The following PALM2AKAP2 variants were observed in gnomAD, a reference collection of about 807,000 sequenced individuals.
PALM2AKAP2 encodes PALM2 and AKAP2 fusion, also known as PALM2-AKAP2 fusion protein.
Under a neutral mutation model 71.5 loss-of-function variants are expected in PALM2AKAP2, and 37 were observed. The observed-to-expected ratio is 0.52, with a 90% confidence interval of 0.40 to 0.68. The LOEUF (loss-of-function observed/expected upper bound fraction) is 0.68. PALM2AKAP2 is among the 30% of genes least tolerant of loss of function. The pLI, the probability that PALM2AKAP2 is intolerant of heterozygous loss-of-function variation, is 0.00. For synonymous variants in PALM2AKAP2, 468 were observed against 478.8 expected, an observed-to-expected ratio of 0.98 and a Z score of 0.29; for missense variants, 1,224 against 1,191.8, an observed-to-expected ratio of 1.03 and a Z score of -0.40.
exon 4 of PALM2AKAP2, chr9:110,169,150 A>C (rs1836801611): frequency 1.3e-5 from 2 of 152,678 alleles, no homozygotes; most frequent in African/African-American, 4.8e-5. Context: ...AACACAATCT[A>C]TTCTACATGA....
intron 1 of PALM2AKAP2, among the ~76,000 whole-genome samples, chr9:110,076,854 A>G (rs2118653195): frequency 6.6e-6 from 1 of 152,306 alleles, no homozygotes; most frequent in Admixed American, 6.5e-5. Context: ...GTAACATTAC[A>G]GTATCACTGC....
chr9:109,869,915 T>A (rs1829560986), intron 2 of PALM2AKAP2, among the ~76,000 whole-genome samples: 1 of 152,074 alleles, frequency 6.6e-6, no homozygotes, highest in Non-Finnish European at 1.5e-5. Flanking sequence ...GGTAACTTAC[T>A]AAGTGGAGGT....
chr9:109,976,582 G>A (rs552221886), intron 6 of PALM2AKAP2, among the ~76,000 whole-genome samples: 29 of 152,174 alleles, frequency 1.9e-4, no homozygotes, highest in Non-Finnish European at 3.5e-4. Context: ...TGTTTCAGAA[G>A]AGAAAATATA....
chr9:110,156,797 C>T (rs557229217), intron 3 of PALM2AKAP2, among the ~76,000 whole-genome samples: 10 of 152,270 alleles, frequency 6.6e-5, no homozygotes, highest in East Asian at 1.9e-4. Flanking sequence ...GCAAGGGCCA[C>T]GCAGGGAGAA....
chr9:110,168,640 C>A, exon 4 of PALM2AKAP2: 1 of 975,634 alleles, frequency 1.0e-6, no homozygotes, highest in Non-Finnish European at 1.5e-6. Flanking sequence ...CTGCAATATA[C>A]AATGATGAAA....
chr9:110,135,164 A>AAATATATATATATATATATATATATAT, intron 1 of PALM2AKAP2, among the ~76,000 whole-genome samples: 1 of 51,714 alleles, frequency 1.9e-5, no homozygotes, highest in East Asian at 1.3e-3. Flanking sequence ...AAAAAAAAAA[A>AAATATATATATATATATATATATATAT]ATATATAAAT....
chr9:110,138,675 CCAGCATACAGGGA>C (rs1189529145), intron 2 of PALM2AKAP2, 136 bp downstream of exon 8: 42 of 1,429,536 alleles, frequency 2.9e-5, no homozygotes, highest in Middle Eastern at 2.6e-4. Context: ...CATGAGAATT[CCAGCATACAGGGA>C]CATGCAACAA....
intron 1 of PALM2AKAP2, among the ~76,000 whole-genome samples, chr9:109,843,989 C>G (rs1055840256): frequency 2.0e-5 from 3 of 152,180 alleles, no homozygotes; most frequent in African/African-American, 7.2e-5. Flanking sequence ...TTGGTTGGTC[C>G]TAGACAAAAA....
intron 1 of PALM2AKAP2, among the ~76,000 whole-genome samples, chr9:109,833,965 G>A (rs1429490126): frequency 1.3e-5 from 2 of 152,116 alleles, no homozygotes; most frequent in Admixed American, 1.3e-4. Flanking sequence ...ATAAACCCAG[G>A]ACTTCGGGAG....
intron 6 of PALM2AKAP2, among the ~76,000 whole-genome samples, chr9:109,950,297 A>G (rs1831606716): frequency 6.6e-6 from 1 of 152,122 alleles, no homozygotes; most frequent in Non-Finnish European, 1.5e-5. Flanking sequence ...TGTCTCAAAA[A>G]AAAAAACAAA....
At chr9:109,928,362 A>G (rs552487578) in intron 5 of PALM2AKAP2, among the ~76,000 whole-genome samples, 2 of 152,344 alleles carry the variant, frequency 1.3e-5, no homozygotes, top group East Asian at 1.9e-4. Context: ...CAGCGGGATT[A>G]GAACTAAGAA....
chr9:109,795,500 G>A (rs1262730457), intron 1 of PALM2AKAP2, among the ~76,000 whole-genome samples: 5 of 152,290 alleles, frequency 3.3e-5, no homozygotes, highest in African/African-American at 1.2e-4. Flanking sequence ...TAAAAAAATG[G>A]TAAATCCTTA....
chr9:109,987,473 G>A (rs547768667), intron 6 of PALM2AKAP2, among the ~76,000 whole-genome samples: 2 of 151,946 alleles, frequency 1.3e-5, no homozygotes, highest in Non-Finnish European at 2.9e-5. Context: ...ACGTCTCTGT[G>A]TTTTTCAGCT....
At chr9:109,915,797 A>G (rs1830674473) in intron 3 of PALM2AKAP2, among the ~76,000 whole-genome samples, 1 of 152,132 alleles carries the variant, frequency 6.6e-6, no homozygotes, top group Non-Finnish European at 1.5e-5. Flanking sequence ...AATTATTATC[A>G]TCATTGATGG....
At chr9:110,058,758 C>T (rs1833897881) in intron 1 of PALM2AKAP2, among the ~76,000 whole-genome samples, 1 of 152,104 alleles carries the variant, frequency 6.6e-6, no homozygotes, top group Non-Finnish European at 1.5e-5. Context: ...CCCAGAACAT[C>T]TGAAAAGATC....
At chr9:110,032,362 C>A (rs1342536034) in intron 7 of PALM2AKAP2, among the ~76,000 whole-genome samples, 1 of 151,348 alleles carries the variant, frequency 6.6e-6, no homozygotes, top group Admixed American at 6.6e-5. Context: ...AGTTTGAGAC[C>A]AGCCTGGGCA....
At chr9:109,862,868 AAAACT>A in intron 1 of PALM2AKAP2, 1 of 508,522 alleles carries the variant, frequency 2.0e-6, no homozygotes, top group Non-Finnish European at 3.9e-6. Context: ...CAATAAGAAC[AAAACT>A]AAGAGGACAT....
At chr9:109,962,658 T>G (rs958292006) in intron 6 of PALM2AKAP2, among the ~76,000 whole-genome samples, 2 of 150,276 alleles carry the variant, frequency 1.3e-5, no homozygotes, top group African/African-American at 4.9e-5. Flanking sequence ...TTTTTTTTTT[T>G]GTAAGACAGA....
chr9:110,142,068 C>CTTTTTTTTTTTTTTTTTTTT (rs994621645), intron 2 of PALM2AKAP2, among the ~76,000 whole-genome samples: 1 of 121,842 alleles, frequency 8.2e-6, no homozygotes, highest in African/African-American at 3.0e-5. Flanking sequence ...TCTTATTTTA[C>CTTTTTTTTTTTTTTTTTTTT]TTTTTTTTTT....
Sources: allele counts gnomAD v4.1 joint callset (sites outside exome capture counted in the v4.1 genomes callset), GRCh38; gene constraint gnomAD v4.1.1; transcripts MANE v1.5; gene names NCBI Gene and HGNC (gene_info 2026-07-23, HGNC 2026-07-21).